USP32: variants seen among roughly 807,000 people sequenced by gnomAD.
USP32 encodes the protein ubiquitin specific peptidase 32.
In USP32, 59 loss-of-function variants were observed where a neutral mutation model predicts 204.8. The observed-to-expected ratio is 0.29, with a 90% CI of 0.23 to 0.36. USP32 has a LOEUF of 0.36. Ranked by LOEUF, USP32 falls within the 10% of genes least tolerant of loss-of-function variation. USP32 has a pLI of 1.00. For synonymous variants in USP32, 517 were observed against 678.4 expected (o/e 0.76, Z 3.70); for missense variants, 1,160 against 1,946.4 (o/e 0.60, Z 7.60).
At chr17:60,361,159 G>A (rs948916829) in intron 1 of USP32, among the ~76,000 whole-genome samples, 9 of 151,812 alleles carry the variant, frequency 5.9e-5, no homozygotes, top group East Asian at 1.9e-4. Flanking sequence ...ACAAAAACCC[G>A]GTATATATAA....
intron 1 of USP32, among the ~76,000 whole-genome samples, chr17:60,358,211 T>G (rs1280738593): frequency 1.3e-5 from 2 of 152,222 alleles, no homozygotes; most frequent in East Asian, 3.8e-4. Flanking sequence ...GCCACCACCC[T>G]ATGAACCTAA....
chr17:60,273,805 C>T (rs1258987782), intron 5 of USP32, among the ~76,000 whole-genome samples: 1 of 151,574 alleles, frequency 6.6e-6, no homozygotes, highest in Non-Finnish European at 1.5e-5. Flanking sequence ...ACTAAAAATA[C>T]AAAAATTAGC....
intron 16 of USP32, among the ~76,000 whole-genome samples, chr17:60,218,453 C>T (rs1032507174): frequency 1.3e-5 from 2 of 151,890 alleles, no homozygotes; most frequent in African/African-American, 4.8e-5. Context: ...AATGAAGATA[C>T]AAAACTAACT....
Position 60,347,465 on chromosome 17 carries a change from C to T in USP32, c.59-1857G>A, listed in dbSNP as rs905163062. On this transcript the variant is annotated intron_variant, in intron 1 of 33. Coordinates refer to ENST00000300896, the MANE Select transcript of USP32 (RefSeq NM_032582.4). The stretch of plus-strand genomic sequence containing the variant: ...GCCTCCCAGGTTCATGCCATTCTCC[C>T]GCCTCAGCCTCCCGAGTAGCTGGGA... Among the ~76,000 whole-genome samples the T allele has an allele frequency of 5.9e-5, 9 of 151,778 alleles. No homozygotes were observed. The South Asian group carries it at 1.5e-3, about 25-fold the overall frequency.
chr17:60,224,874 T>C (rs1014957108), intron 13 of USP32, among the ~76,000 whole-genome samples: 2 of 152,144 alleles, frequency 1.3e-5, no homozygotes, highest in Non-Finnish European at 2.9e-5. Context: ...AGCTGGGCCA[T>C]AGAAATACCA....
chr17:60,280,858 C>A (rs944651778), intron 5 of USP32, among the ~76,000 whole-genome samples: 1 of 152,130 alleles, frequency 6.6e-6, no homozygotes, highest in Non-Finnish European at 1.5e-5. Flanking sequence ...TAATATAAAT[C>A]ATAGTCATCA....
At chr17:60,386,190 TA>T (rs140812576) in intron 1 of USP32, among the ~76,000 whole-genome samples, 24,841 of 151,932 alleles carry the variant, frequency 0.16, 4,595 homozygotes, top group African/African-American at 0.46. Context: ...AGAAAGACAT[TA>T]AACTGCTCAA....
intron 2 of USP32, among the ~76,000 whole-genome samples, chr17:60,320,021 A>G (rs753962193): frequency 3.3e-5 from 5 of 152,152 alleles, no homozygotes; most frequent in Non-Finnish European, 7.3e-5. Context: ...AGTATCTTCA[A>G]TATCAGCATT....
chr17:60,222,561 T>G lies in USP32; in HGVS notation c.1609-12A>C. The G allele has an allele frequency of 1.2e-6, 2 of 1,611,064 alleles. No individual in the cohort carries two copies. The highest frequency in any genetic ancestry group is 1.7e-6 in the Non-Finnish European group (2 of 1,178,224). On this transcript the variant is annotated splice_polypyrimidine_tract_variant and intron_variant, in intron 14 of 33. Transcript: ENST00000300896. ...GTTAATGATGTAGCCTGAGAAAGAATAGAATGACAATGTTGACTTTCAATA... is the reference window on the plus strand; with the variant it reads ...GTTAATGATGTAGCCTGAGAAAGAAGAGAATGACAATGTTGACTTTCAATA...
At chr17:60,416,701 C>T (rs1009567578) in intron 1 of USP32, among the ~76,000 whole-genome samples, 4 of 152,086 alleles carry the variant, frequency 2.6e-5, no homozygotes, top group Non-Finnish European at 4.4e-5. Context: ...GATAATAAAA[C>T]CATTATGAGA....
chr17:60,276,603 A>C (rs1459542560), intron 5 of USP32, among the ~76,000 whole-genome samples: 1 of 152,200 alleles, frequency 6.6e-6, no homozygotes, highest in African/African-American at 2.4e-5. Context: ...AGTATTGAGA[A>C]TATAATAGGT....
intron 1 of USP32, among the ~76,000 whole-genome samples, chr17:60,366,787 A>G (rs2146073952): frequency 1.3e-5 from 2 of 151,850 alleles, no homozygotes; most frequent in South Asian, 4.2e-4. Context: ...AGAAACAGAG[A>G]CACGCTATTA....
intron 2 of USP32, among the ~76,000 whole-genome samples, chr17:60,339,400 T>C (rs1477672374): frequency 6.6e-6 from 1 of 151,396 alleles, no homozygotes; most frequent in Non-Finnish European, 1.5e-5. Context: ...CTGGCCAACA[T>C]GGTAAAACCT....
At chr17:60,228,898 C>A (rs2085471326) in intron 12 of USP32, among the ~76,000 whole-genome samples, 1 of 151,698 alleles carries the variant, frequency 6.6e-6, no homozygotes, top group Non-Finnish European at 1.5e-5. Flanking sequence ...AAACTCTAGC[C>A]TCAGGTAATC....
intron 2 of USP32, among the ~76,000 whole-genome samples, chr17:60,306,370 G>A (rs1008606718): frequency 1.3e-5 from 2 of 152,196 alleles, no homozygotes; most frequent in Admixed American, 1.3e-4. Flanking sequence ...GGGCGCAGTG[G>A]CTCATGCCTG....
chr17:60,264,267 C>G (rs900457030), intron 9 of USP32, among the ~76,000 whole-genome samples: 4 of 151,920 alleles, frequency 2.6e-5, no homozygotes, highest in African/African-American at 9.7e-5. Flanking sequence ...TACCTGTAAT[C>G]CCAGCACTTT....
intron 3 of USP32, among the ~76,000 whole-genome samples, chr17:60,299,145 A>G (rs2087509414): frequency 6.6e-6 from 1 of 152,122 alleles, no homozygotes; most frequent in Non-Finnish European, 1.5e-5. Flanking sequence ...TCTGTCCCCT[A>G]TCCCCTCCAA....
intron 1 of USP32, among the ~76,000 whole-genome samples, chr17:60,348,494 G>C (rs539576944): frequency 6.6e-6 from 1 of 152,300 alleles, no homozygotes; most frequent in East Asian, 1.9e-4. Context: ...TAAAGACTAG[G>C]CCAGGTGCAG....
At chr17:60,242,093 C>T (rs368720714) in intron 11 of USP32, among the ~76,000 whole-genome samples, 18 of 152,256 alleles carry the variant, frequency 1.2e-4, no homozygotes, top group African/African-American at 3.4e-4. Context: ...TATGGATATC[C>T]AAATTCTCCT....
Sources: allele counts gnomAD v4.1 joint callset (sites outside exome capture counted in the v4.1 genomes callset), GRCh38; gene constraint gnomAD v4.1.1; transcripts MANE v1.5; gene names NCBI Gene and HGNC (gene_info 2026-07-23, HGNC 2026-07-21).